Variants in DLG2 observed in about 807,000 individuals in gnomAD.
DLG2 encodes discs large MAGUK scaffold protein 2.
Under a neutral mutation model 132.5 loss-of-function variants are expected in DLG2, and 45 were observed. The ratio of observed to expected loss-of-function variants is 0.34; its 90% CI spans 0.27 to 0.44. DLG2 has a LOEUF of 0.44. DLG2 is among the 20% of genes least tolerant of loss of function. The pLI is 1.00. For synonymous variants in DLG2, 424 were observed against 419.6 expected (o/e 1.01, Z -0.13); for missense variants, 1,045 against 1,196.9 (o/e 0.87, Z 1.87).
intron 6 of DLG2, among the ~76,000 whole-genome samples, chr11:84,949,110 T>C (rs777747459): frequency 4.5e-4 from 68 of 151,700 alleles, no homozygotes; most frequent in Non-Finnish European, 8.8e-4. Flanking sequence ...AGGGACAGAG[T>C]ACAAAAGAGA....
intron 4 of DLG2, among the ~76,000 whole-genome samples, chr11:85,163,316 G>T (rs2078180855): frequency 6.6e-6 from 1 of 151,630 alleles, no homozygotes; most frequent in Admixed American, 6.6e-5. Flanking sequence ...CATTCATTAA[G>T]CAACTATCTT....
chr11:84,000,278 C>T (rs190891590), intron 11 of DLG2, among the ~76,000 whole-genome samples: 10 of 151,738 alleles, frequency 6.6e-5, no homozygotes, highest in Middle Eastern at 3.4e-3. Flanking sequence ...GAAGAATCTC[C>T]GAACTTTAAG....
chr11:84,906,417 G>C (rs1409175760), intron 6 of DLG2, among the ~76,000 whole-genome samples: 1 of 136,706 alleles, frequency 7.3e-6, no homozygotes, highest in African/African-American at 2.6e-5. Context: ...CACACACAGA[G>C]AGCCAAGGGG....
At chr11:83,715,495 A>G (rs1260957250) in intron 18 of DLG2, among the ~76,000 whole-genome samples, 1 of 152,188 alleles carries the variant, frequency 6.6e-6, no homozygotes, top group Admixed American at 6.5e-5. Flanking sequence ...GCTGAGGCCT[A>G]TACCTGACAT....
At chr11:84,894,320 T>G (rs899491105) in intron 6 of DLG2, among the ~76,000 whole-genome samples, 1 of 152,210 alleles carries the variant, frequency 6.6e-6, no homozygotes, top group Non-Finnish European at 1.5e-5. Flanking sequence ...TAAATAATTT[T>G]CTTTAAATTG....
chr11:84,820,150 A>C (rs1305635546), intron 6 of DLG2, among the ~76,000 whole-genome samples: 1 of 151,622 alleles, frequency 6.6e-6, no homozygotes, highest in African/African-American at 2.4e-5. Context: ...CAAATACTGG[A>C]AATACCAGCA....
At chr11:84,034,971 A>C (rs932141250) in intron 11 of DLG2, among the ~76,000 whole-genome samples, 2 of 152,154 alleles carry the variant, frequency 1.3e-5, no homozygotes, top group Non-Finnish European at 2.9e-5. Flanking sequence ...TTTCTTCTCC[A>C]ACATAGGTGA....
At chr11:83,932,139 C>A (rs985228804) in intron 14 of DLG2, among the ~76,000 whole-genome samples, 34 of 147,666 alleles carry the variant, frequency 2.3e-4, no homozygotes, top group African/African-American at 8.3e-4. Context: ...AGCCTTCTTG[C>A]AATACTGACA....
At chr11:85,461,092 A>G (rs931917984) in intron 3 of DLG2, among the ~76,000 whole-genome samples, 6 of 152,232 alleles carry the variant, frequency 3.9e-5, no homozygotes, top group Admixed American at 6.5e-5. Context: ...AGAAACAGCA[A>G]TCATTTTAAC....
chr11:84,361,284 A>G (rs1355327743), intron 7 of DLG2, among the ~76,000 whole-genome samples: 2 of 152,010 alleles, frequency 1.3e-5, no homozygotes, highest in African/African-American at 4.8e-5. Flanking sequence ...ACCATACATC[A>G]TGATCAAATT....
chr11:84,357,982 A>G (rs2098627825), intron 7 of DLG2, among the ~76,000 whole-genome samples: 1 of 152,008 alleles, frequency 6.6e-6, no homozygotes, highest in Non-Finnish European at 1.5e-5. Context: ...CAAAAATGAA[A>G]TAAAAGATTT....
chr11:84,976,192 G>A (rs751836356), intron 6 of DLG2, among the ~76,000 whole-genome samples: 11 of 152,068 alleles, frequency 7.2e-5, no homozygotes, highest in South Asian at 2.1e-4. Flanking sequence ...ATTTTTTTGT[G>A]TGTATCTTCA....
intron 17 of DLG2, among the ~76,000 whole-genome samples, chr11:83,793,165 A>C (rs2042006585): frequency 6.6e-6 from 1 of 152,142 alleles, no homozygotes; most frequent in Non-Finnish European, 1.5e-5. Context: ...CAAATGAAGA[A>C]TGTTATTGTT....
intron 14 of DLG2, among the ~76,000 whole-genome samples, chr11:83,940,105 C>T (rs1371542098): frequency 1.3e-5 from 2 of 152,194 alleles, no homozygotes; most frequent in Non-Finnish European, 2.9e-5. Flanking sequence ...ATAAGACATG[C>T]ATAAGAACAA....
At chr11:83,496,051 A>T (rs1159423946) in intron 21 of DLG2, among the ~76,000 whole-genome samples, 1 of 152,116 alleles carries the variant, frequency 6.6e-6, no homozygotes, top group African/African-American at 2.4e-5. Context: ...CAAGTCACAA[A>T]GTGGGAAACA....
intron 6 of DLG2, among the ~76,000 whole-genome samples, chr11:84,852,000 T>G (rs1391232164): frequency 6.6e-6 from 1 of 152,038 alleles, no homozygotes; most frequent in Non-Finnish European, 1.5e-5. Flanking sequence ...GTAAATGATT[T>G]AAGCTTGGGA....
At chr11:84,934,364 G>A (rs1417283384) in intron 6 of DLG2, among the ~76,000 whole-genome samples, 1 of 151,704 alleles carries the variant, frequency 6.6e-6, no homozygotes, top group Non-Finnish European at 1.5e-5. Context: ...CTAGGTTTGG[G>A]TATCAGAATG....
intron 7 of DLG2, among the ~76,000 whole-genome samples, chr11:84,287,241 C>A (rs1002087261): frequency 2.0e-5 from 3 of 152,080 alleles, no homozygotes; most frequent in African/African-American, 7.2e-5. Context: ...TCACAAGCAC[C>A]TTTAGGGCCT....
At chr11:85,292,250 A>G (rs755747616) in intron 3 of DLG2, among the ~76,000 whole-genome samples, 9 of 152,114 alleles carry the variant, frequency 5.9e-5, no homozygotes, top group Non-Finnish European at 7.4e-5. Flanking sequence ...TGGAATTTTC[A>G]ATAAAGCCTT....
Sources: gnomAD v4.1 joint callset for allele counts (sites outside exome capture counted in the v4.1 genomes callset) on GRCh38, gnomAD v4.1.1 for gene constraint, MANE v1.5 for transcripts, NCBI Gene and HGNC (gene_info 2026-07-23, HGNC 2026-07-21) for gene names.